TACC2: variants seen among roughly 807,000 people sequenced by gnomAD.
TACC2 encodes transforming acidic coiled-coil containing protein 2, also known as transforming acidic coiled-coil-containing protein 2.
TACC2 carries 137 observed loss-of-function variants against 227.3 expected under a neutral mutation model. The observed-to-expected ratio is 0.60, with a 90% CI of 0.52 to 0.69. TACC2 has a LOEUF of 0.69. TACC2 is among the 30% of genes least tolerant of loss of function. TACC2 has a pLI of 0.00. For synonymous variants in TACC2, 1,523 were observed against 1,487.5 expected (o/e 1.02, Z -0.55); for missense variants, 3,470 against 3,694.4 (o/e 0.94, Z 1.57).
At chr10:122,202,184 C>A (rs2140841350) in intron 8 of TACC2, among the ~76,000 whole-genome samples, 1 of 151,362 alleles carries the variant, frequency 6.6e-6, no homozygotes, top group East Asian at 1.9e-4. Context: ...TTTTTTTAAT[C>A]TATGGCATGT....
At chr10:122,092,251 C>A (rs374290347) in intron 5 of TACC2, among the ~76,000 whole-genome samples, 1 of 152,134 alleles carries the variant, frequency 6.6e-6, no homozygotes, top group Non-Finnish European at 1.5e-5. Flanking sequence ...TTCTTTTTTA[C>A]CCCCTACTGC....
At chr10:122,117,462 TG>T (rs1202497988) in intron 5 of TACC2, among the ~76,000 whole-genome samples, 1 of 152,160 alleles carries the variant, frequency 6.6e-6, no homozygotes, top group Non-Finnish European at 1.5e-5. Context: ...CCCAAAATGC[TG>T]GGATTACAGG....
Position 122,083,988 on chromosome 10 carries a change from G to C in TACC2, c.1488G>C (p.Glu496Asp). The C allele has an allele frequency of 1.2e-6, 2 of 1,614,076 alleles. No homozygotes were observed. The highest frequency in any genetic ancestry group is 1.7e-6 in the Non-Finnish European group (2 of 1,179,992). The change falls in exon 4 of 23, where the codon GAG (glutamate) becomes GAC (aspartate). Residue 496 changes from glutamate to aspartate, a missense_variant. Around this residue, in one of 10 missense-constraint regions of TACC2, gnomAD observed 1,924 missense variants for 1,978.3 expected, o/e 0.97. Transcript: ENST00000369005. ...AGGTTCCTGCCCCATCACCCCAGGA[G>C]AGGGGAGAGCACTTGAACACGGAGC... ...PGEVPAPSPQ[E>D]RGEHLNTEQS...
chr10:122,245,659 T>C (rs1340720395), intron 19 of TACC2, among the ~76,000 whole-genome samples: 1 of 152,154 alleles, frequency 6.6e-6, no homozygotes, highest in African/African-American at 2.4e-5. Context: ...AAAAGCTCCC[T>C]CTTCGCAAGC....
intron 7 of TACC2, among the ~76,000 whole-genome samples, chr10:122,178,779 C>T (rs1242957920): frequency 6.6e-6 from 1 of 152,138 alleles, no homozygotes; most frequent in Non-Finnish European, 1.5e-5. Context: ...TACTCGGAGG[C>T]TGAGGTGGGA....
intron 7 of TACC2, among the ~76,000 whole-genome samples, chr10:122,167,323 C>T (rs182095426): frequency 9.5e-4 from 145 of 152,310 alleles, no homozygotes; most frequent in African/African-American, 3.3e-3. Flanking sequence ...GAGGAAGCAA[C>T]AGGCTCTGTG....
intron 1 of TACC2, among the ~76,000 whole-genome samples, chr10:122,000,143 G>A (rs1264626675): frequency 6.6e-6 from 1 of 152,190 alleles, no homozygotes; most frequent in African/African-American, 2.4e-5. Flanking sequence ...TGTAATCCCA[G>A]CACTTTGGGA....
At chr10:122,178,245 T>C (rs930374260) in intron 7 of TACC2, among the ~76,000 whole-genome samples, 14 of 149,208 alleles carry the variant, frequency 9.4e-5, no homozygotes, top group African/African-American at 2.0e-4. Context: ...CTTTCTTTTT[T>C]TTTTTTTTTT....
chr10:122,016,217 G>A (rs7071290), intron 1 of TACC2, among the ~76,000 whole-genome samples: 86,449 of 144,842 alleles, frequency 0.6, 25,991 homozygotes, highest in South Asian at 0.69. Context: ...AGCCATGATC[G>A]TGCCACTGCA....
In TACC2 at chr10:122,211,681, C is replaced by G; in HGVS notation, c.7256C>G (p.Ala2419Gly). The G allele has an allele frequency of 1.3e-6, 2 of 1,564,828 alleles. No individual in the cohort carries two copies. The highest frequency in any genetic ancestry group is 8.6e-7 in the Non-Finnish European group (1 of 1,162,410). ...GVDGDGLNKP[A>G]KKKKTPLKTD... ...GACGGGGATGGGCTAAACAAGCCCG[C>G]CAAGAAGAAGAAGACGCCCCTAAAG... The change falls in exon 9 of 23, where the codon GCC becomes GGC. Residue 2419 changes from alanine (A) to glycine (G), a missense_variant. By Grantham distance (60) the Ala-to-Gly change is moderately conservative. Transcript: ENST00000369005.
At chr10:122,122,084 G>A (rs962275315) in intron 5 of TACC2, among the ~76,000 whole-genome samples, 1 of 152,320 alleles carries the variant, frequency 6.6e-6, no homozygotes, top group African/African-American at 2.4e-5. Flanking sequence ...AGCCAGGCGC[G>A]GTGGCTCACG....
At chr10:122,192,832 C>G (rs564113245) in intron 7 of TACC2, 2 of 452,822 alleles carry the variant, frequency 4.4e-6, no homozygotes, top group African/African-American at 4.0e-5. Flanking sequence ...CAGTGTTGCT[C>G]ATGATGGTGC....
At chr10:122,208,071 T>G (rs2095183342) in intron 8 of TACC2, among the ~76,000 whole-genome samples, 1 of 152,060 alleles carries the variant, frequency 6.6e-6, no homozygotes, top group African/African-American at 2.4e-5. Context: ...AACAGGGAGT[T>G]GATTTTAGAA....
At chr10:122,175,109 A>C (rs2093641450) in intron 7 of TACC2, among the ~76,000 whole-genome samples, 1 of 152,010 alleles carries the variant, frequency 6.6e-6, no homozygotes, top group Non-Finnish European at 1.5e-5. Flanking sequence ...TAGCTGGGAC[A>C]CCCCTGGCTA....
At chr10:122,206,443 G>A (rs946329048) in intron 8 of TACC2, among the ~76,000 whole-genome samples, 1 of 152,204 alleles carries the variant, frequency 6.6e-6, no homozygotes, top group Non-Finnish European at 1.5e-5. Flanking sequence ...TACGGGTGGG[G>A]CCCTAAGCCC....
At chr10:122,224,872 G>A in intron 12 of TACC2, 85 bp downstream of exon 12, 1 of 1,108,370 alleles carries the variant, frequency 9.0e-7, no homozygotes, top group Non-Finnish European at 1.4e-6. Context: ...GTCTCTGGGA[G>A]CTCAGACCCC....
rs939890542 is a variant in TACC2 at position 122,114,283 on chromosome 10, A to T, written c.5574-18326A>T. ...TTCTCTGATTCCTTATTGAGGCCAC[A>T]TTTTAAAAGCCGTTTCCATGATATC... On this transcript the variant is annotated intron_variant, in intron 5 of 22. Coordinates refer to ENST00000369005, the MANE Select transcript of TACC2 (RefSeq NM_206862.4). 2.6e-5 allele frequency among the ~76,000 whole-genome samples: 4 copies of T among 152,298 alleles called. No homozygotes were observed. The East Asian group carries it at 7.7e-4, about 29-fold the overall frequency.
chr10:121,994,634 T>C (rs981404472), intron 1 of TACC2: 11 of 152,472 alleles, frequency 7.2e-5, no homozygotes, highest in African/African-American at 2.4e-4. Context: ...TGGAGGGCAG[T>C]GCTGAAAAGG....
intron 7 of TACC2, among the ~76,000 whole-genome samples, chr10:122,190,446 G>A (rs545809265): frequency 6.6e-5 from 10 of 152,240 alleles, no homozygotes; most frequent in East Asian, 3.9e-4. Context: ...TTTTTAAGCC[G>A]AACTAGTACA....
Sources: gnomAD v4.1 joint callset for allele counts (sites outside exome capture counted in the v4.1 genomes callset) on GRCh38, gnomAD v4.1.1 for gene constraint, gnomAD v4.1.1 regional missense constraint, MANE v1.5 for transcripts, NCBI Gene and HGNC (gene_info 2026-07-23, HGNC 2026-07-21) for gene names.